RTN3: variants seen among roughly 807,000 people sequenced by gnomAD.
RTN3 encodes the protein reticulon-3.
A neutral mutation model predicts 77.8 loss-of-function variants in RTN3; 49 were observed. The ratio of observed to expected loss-of-function variants is 0.63; its 90% CI spans 0.50 to 0.80. The LOEUF is 0.80. Among genes scored for constraint, RTN3 ranks in the 30% least tolerant of loss-of-function variants. The pLI is 0.00. For synonymous variants in RTN3, 464 were observed against 446.9 expected, an observed-to-expected ratio of 1.04 and a Z score of -0.48; for missense variants, 1,236 against 1,211.9, an observed-to-expected ratio of 1.02 and a Z score of -0.29.
intron 1 of RTN3, among the ~76,000 whole-genome samples, chr11:63,682,020 G>C (rs893926700): frequency 6.6e-6 from 1 of 152,258 alleles, no homozygotes; most frequent in Non-Finnish European, 1.5e-5. Context: ...AGTCCAGTGG[G>C]CGTTAACGCC....
chr11:63,692,265 C>A (rs1276969094), intron 1 of RTN3, among the ~76,000 whole-genome samples: 1 of 152,158 alleles, frequency 6.6e-6, no homozygotes, highest in African/African-American at 2.4e-5. Context: ...TCAAGTCGTC[C>A]ATCAACCTCG....
intron 3 of RTN3, among the ~76,000 whole-genome samples, chr11:63,727,725 A>G (rs1480670700): frequency 6.6e-6 from 1 of 152,188 alleles, no homozygotes; most frequent in East Asian, 1.9e-4. Flanking sequence ...CCACCACTTC[A>G]GCACTTAGGG....
chr11:63,681,573 T>A lies in RTN3; in HGVS notation c.-64T>A, dbSNP rs989638312. The stretch of plus-strand genomic sequence containing the variant: ...CGAGCCAGTTGCCGGATTATTCTAT[T>A]TCCCCTCCCTCTCTCCCGCCCCGTA... On this transcript the variant is annotated 5_prime_UTR_variant, in exon 1 of 9. Transcript: ENST00000377819. The A allele has an allele frequency of 6.8e-6, 10 of 1,480,766 alleles. No individual in the cohort carries two copies. 91.7% of individuals were successfully genotyped at this position (1,480,766 alleles called of 1,614,324 possible). A position where few individuals can be genotyped will look rare whatever the true frequency, so the allele number is the denominator to read the frequency against.
chr11:63,755,804 A>G (rs551354391), intron 7 of RTN3, among the ~76,000 whole-genome samples: 8 of 151,662 alleles, frequency 5.3e-5, no homozygotes, highest in Admixed American at 3.9e-4. Context: ...CTAAAAATAT[A>G]AAAAATTAGC....
intron 1 of RTN3, among the ~76,000 whole-genome samples, chr11:63,692,486 C>T (rs556084207): frequency 2.6e-5 from 4 of 151,968 alleles, no homozygotes; most frequent in African/African-American, 7.2e-5. Context: ...TGGCCGGGCG[C>T]GGTGGCTCAT....
chr11:63,759,476 G>A lies in RTN3; in HGVS notation c.*1275G>A, dbSNP rs1210870899. The stretch of plus-strand genomic sequence containing the variant: ...AAAAATTAGTTAGGAATTTGGATGG[G>A]TAAAAGGTACCCTTGCCTTACTCCA... On this transcript the variant is annotated 3_prime_UTR_variant, in exon 9 of 9. Transcript: ENST00000377819. 1.3e-5 allele frequency: 2 copies of A among 152,640 alleles called. No individual in the cohort carries two copies. The highest frequency in any genetic ancestry group is 2.9e-5 in the Non-Finnish European group (2 of 68,040). 9.5% of individuals were successfully genotyped at this position (152,640 alleles called of 1,614,324 possible). A position where few individuals can be genotyped will look rare whatever the true frequency, so the allele number is the denominator to read the frequency against.
chr11:63,704,271 G>C lies in RTN3; in HGVS notation c.143-580G>C, dbSNP rs1942388637. ...ACCTGCCTCAGCTTCCCAAAGTGCT[G>C]GTATTACAGATGTGAGCCACCATGC... On this transcript the variant is annotated intron_variant, in intron 1 of 8. Coordinates refer to ENST00000377819, the MANE Select transcript of RTN3 (RefSeq NM_001265589.2). 1.3e-5 allele frequency among the ~76,000 whole-genome samples: 2 copies of C among 152,074 alleles called. 1 individual carries two copies. Among genetic ancestry groups the C allele is most frequent in the South Asian group, 4.1e-4 (2 of 4,832 alleles).
intron 3 of RTN3, among the ~76,000 whole-genome samples, chr11:63,733,148 C>T (rs1301432024): frequency 6.7e-6 from 1 of 149,956 alleles, no homozygotes; most frequent in Non-Finnish European, 1.5e-5. Context: ...AACCCTATCT[C>T]TACTAAAAAT....
At chr11:63,724,137 C>G (rs925358309) in intron 3 of RTN3, among the ~76,000 whole-genome samples, 1 of 150,974 alleles carries the variant, frequency 6.6e-6, no homozygotes, top group East Asian at 1.9e-4. Flanking sequence ...ATGTAACAGA[C>G]CTAGAACTGC....
intron 1 of RTN3, among the ~76,000 whole-genome samples, chr11:63,691,416 C>T (rs968920963): frequency 1.3e-5 from 2 of 151,932 alleles, no homozygotes; most frequent in African/African-American, 2.4e-5. Context: ...CTACTGCGTC[C>T]GACCTAATTA....
chr11:63,705,934 T>C (rs1333405586), intron 2 of RTN3, among the ~76,000 whole-genome samples: 1 of 152,250 alleles, frequency 6.6e-6, no homozygotes, highest in Non-Finnish European at 1.5e-5. Flanking sequence ...GTGCTGTTTT[T>C]ACTAGACCCA....
intron 1 of RTN3, among the ~76,000 whole-genome samples, chr11:63,694,594 T>G (rs1941840115): frequency 6.6e-6 from 1 of 152,006 alleles, no homozygotes; most frequent in South Asian, 2.1e-4. Flanking sequence ...CACCTCAGCC[T>G]CCGGAGTAGC....
chr11:63,687,545 G>A (rs1481507431), intron 1 of RTN3, among the ~76,000 whole-genome samples: 1 of 151,904 alleles, frequency 6.6e-6, no homozygotes, highest in African/African-American at 2.4e-5. Flanking sequence ...AGGAGGTGGA[G>A]GTTGCAGTGA....
At chr11:63,703,871 T>C (rs1942367980) in intron 1 of RTN3, among the ~76,000 whole-genome samples, 1 of 152,122 alleles carries the variant, frequency 6.6e-6, no homozygotes, top group Non-Finnish European at 1.5e-5. Flanking sequence ...TATGCAAATA[T>C]GTCCATAGTA....
At chr11:63,718,191 A>G (rs2011513034) in intron 2 of RTN3, among the ~76,000 whole-genome samples, 1 of 152,160 alleles carries the variant, frequency 6.6e-6, no homozygotes, top group Admixed American at 6.5e-5. Context: ...AAAAATCAAA[A>G]AAGTCTGGCC....
At chr11:63,739,752 GA>G (rs2135005346) in intron 3 of RTN3, among the ~76,000 whole-genome samples, 1 of 152,316 alleles carries the variant, frequency 6.6e-6, no homozygotes, top group East Asian at 1.9e-4. Flanking sequence ...TCTGCTCATA[GA>G]AGGTAAATTT....
At chr11:63,686,153 G>A (rs1163665933) in intron 1 of RTN3, among the ~76,000 whole-genome samples, 2 of 152,124 alleles carry the variant, frequency 1.3e-5, no homozygotes, top group Admixed American at 1.3e-4. Flanking sequence ...TACTTTAATA[G>A]TTTACTGATG....
At chr11:63,735,602 T>TCTCTC (rs1555078117) in intron 3 of RTN3, among the ~76,000 whole-genome samples, 202 of 24,898 alleles carry the variant, frequency 8.1e-3, no homozygotes, top group African/African-American at 0.013. Flanking sequence ...CTCTCTCTCT[T>TCTCTC]TCTTTCAACC....
intron 8 of RTN3, among the ~76,000 whole-genome samples, chr11:63,757,077 A>C (rs1049352019): frequency 3.9e-5 from 6 of 152,210 alleles, no homozygotes; most frequent in African/African-American, 1.4e-4. Flanking sequence ...TTGCTTCCCC[A>C]CCTTCATTTA....
Sources: allele counts gnomAD v4.1 joint callset (sites outside exome capture counted in the v4.1 genomes callset), GRCh38; gene constraint gnomAD v4.1.1; transcripts MANE v1.5; gene names NCBI Gene and HGNC (gene_info 2026-07-23, HGNC 2026-07-21).